ZMYM2: variants seen among roughly 807,000 people sequenced by gnomAD.
ZMYM2 encodes the protein zinc finger MYM-type protein 2.
Under a neutral mutation model 162.8 loss-of-function variants are expected in ZMYM2, and 56 were observed. That is an observed-to-expected ratio of 0.34 (90% CI 0.28 to 0.43). The LOEUF (loss-of-function observed/expected upper bound fraction) is 0.43. Ranked by LOEUF, ZMYM2 falls within the 20% of genes least tolerant of loss-of-function variation. ZMYM2 has a pLI of 1.00. For synonymous variants in ZMYM2, 510 were observed against 541.6 expected, an observed-to-expected ratio of 0.94 and a Z score of 0.81; for missense variants, 1,275 against 1,621.8, an observed-to-expected ratio of 0.79 and a Z score of 3.67.
the ZMYM2 span, among the ~76,000 whole-genome samples, chr13:19,879,703 C>T: frequency 0.02 from 3,006 of 152,278 alleles, 34 homozygotes; most frequent in Middle Eastern, 0.075. Flanking sequence ...TTTTGAGAGA[C>T]ATTGCATAAA....
chr13:19,892,494 CT>C, the ZMYM2 span, among the ~76,000 whole-genome samples: 2 of 151,254 alleles, frequency 1.3e-5, no homozygotes, highest in South Asian at 2.1e-4. Context: ...ATAGGATGGT[CT>C]CCATCTCCTG....
chr13:20,086,131 T>A lies in ZMYM2; in HGVS notation c.*117T>A. On this transcript the variant is annotated 3_prime_UTR_variant, in exon 25 of 25. Transcript: ENST00000610343. ...TTCTGTTTTGAGTTTTGTAGCAGTG[T>A]ACCCACGCTGGGTATTACCATGTAA... 1.0e-6 allele frequency: 1 copy of A among 997,756 alleles called. No individual in the cohort carries two copies. The highest frequency in any genetic ancestry group is 1.4e-6 in the Non-Finnish European group (1 of 696,014). The allele number at this position is 997,756 out of a possible 1,614,324, so 61.8% of individuals were successfully genotyped here. A position where few individuals can be genotyped will look rare whatever the true frequency, so the allele number is the denominator to read the frequency against.
chr13:20,049,835 G>A (rs1400079428), intron 12 of ZMYM2, among the ~76,000 whole-genome samples: 1 of 151,912 alleles, frequency 6.6e-6, no homozygotes, highest in East Asian at 1.9e-4. Context: ...TCTACTTTTG[G>A]TTCCTGCATT....
intron 2 of ZMYM2, among the ~76,000 whole-genome samples, chr13:19,969,092 C>G (rs1234808894): frequency 6.6e-6 from 1 of 152,154 alleles, no homozygotes; most frequent in Non-Finnish European, 1.5e-5. Flanking sequence ...ATTCCATTCC[C>G]CTTGAGACCC....
upstream of ZMYM2, among the ~76,000 whole-genome samples, chr13:19,957,747 G>A (rs530948731): frequency 6.6e-6 from 1 of 152,368 alleles, no homozygotes; most frequent in African/African-American, 2.4e-5. Flanking sequence ...AGCACAGGAC[G>A]GCGGCGCCCA....
At chr13:20,074,600 G>A (rs1392872702) in intron 21 of ZMYM2, among the ~76,000 whole-genome samples, 19 of 146,720 alleles carry the variant, frequency 1.3e-4, no homozygotes, top group African/African-American at 2.8e-4. Context: ...GTGCAGTGGC[G>A]CGATCTCAGC....
At chr13:19,978,188 T>C (rs958411317) in intron 2 of ZMYM2, among the ~76,000 whole-genome samples, 8 of 152,098 alleles carry the variant, frequency 5.3e-5, no homozygotes, top group Non-Finnish European at 8.8e-5. Context: ...AAAAGTATTT[T>C]TTAAATGGTT....
At chr13:19,946,637 G>A in the ZMYM2 span, among the ~76,000 whole-genome samples, 2 of 152,118 alleles carry the variant, frequency 1.3e-5, no homozygotes, top group South Asian at 2.1e-4. Flanking sequence ...TCCCATGAGG[G>A]TAGGAACTAC....
the ZMYM2 span, among the ~76,000 whole-genome samples, chr13:19,941,626 T>C: frequency 6.6e-6 from 1 of 151,814 alleles, no homozygotes; most frequent in Non-Finnish European, 1.5e-5. Context: ...CAATTCAAAA[T>C]TAATCAGATG....
At chr13:19,897,072 C>CAAA in the ZMYM2 span, among the ~76,000 whole-genome samples, 17,416 of 110,948 alleles carry the variant, frequency 0.16, 1,311 homozygotes, top group African/African-American at 0.26. Context: ...GACTCTGCCT[C>CAAA]AAAAAAAAAA....
intron 12 of ZMYM2, among the ~76,000 whole-genome samples, chr13:20,038,807 T>C (rs1266971442): frequency 6.6e-6 from 1 of 151,334 alleles, no homozygotes; most frequent in Non-Finnish European, 1.5e-5. Flanking sequence ...TTTTTTTTTG[T>C]TCTGTGAAGA....
intron 2 of ZMYM2, among the ~76,000 whole-genome samples, chr13:19,982,407 C>T (rs893222428): frequency 2.7e-5 from 4 of 150,120 alleles, no homozygotes; most frequent in Non-Finnish European, 4.4e-5. Flanking sequence ...TATGCCTCAG[C>T]CTCCTGAGTA....
chr13:19,926,307 A>G, the ZMYM2 span, among the ~76,000 whole-genome samples: 1 of 151,332 alleles, frequency 6.6e-6, no homozygotes, highest in South Asian at 2.1e-4. Flanking sequence ...GCTTCAAACA[A>G]TAAAGGATGT....
chr13:20,078,781 G>T (rs1446989245), intron 21 of ZMYM2, among the ~76,000 whole-genome samples: 1 of 151,964 alleles, frequency 6.6e-6, no homozygotes, highest in Non-Finnish European at 1.5e-5. Context: ...ATTATATGTT[G>T]GGATTACATG....
At chr13:19,901,967 T>G in the ZMYM2 span, among the ~76,000 whole-genome samples, 1 of 152,014 alleles carries the variant, frequency 6.6e-6, no homozygotes, top group African/African-American at 2.4e-5. Flanking sequence ...ACTTTAAAAT[T>G]TTTTAGATAG....
At chr13:20,082,677 A>G (rs2141047222) in intron 22 of ZMYM2, 104 bp from the exon 23 acceptor site, 1 of 986,084 alleles carries the variant, frequency 1.0e-6, no homozygotes, top group Non-Finnish European at 1.4e-6. Context: ...ATGAAAGGAG[A>G]ATTGGTATAG....
At position 20,082,579 on chromosome 13, in the gene ZMYM2, C is replaced by T. The variant is rs74464320; in HGVS notation, c.3569-202C>T. ...AAGAACAGAAGCAAACATCCAGTCC[C>T]TTATTCCATAGATAATAGTTCCATA... On this transcript the variant is annotated intron_variant, in intron 22 of 24. Transcript: ENST00000610343. Among the ~76,000 whole-genome samples, 17 of 152,274 alleles carry T rather than the reference C, an allele frequency of 1.1e-4. No individual in the cohort carries two copies. In the East Asian group the frequency reaches 3.3e-3, roughly 29 times the overall value.
chr13:19,867,525 A>T, the ZMYM2 span, among the ~76,000 whole-genome samples: 1 of 152,338 alleles, frequency 6.6e-6, no homozygotes, highest in South Asian at 2.1e-4. Flanking sequence ...TAAGCAATAA[A>T]TAATGAAAAT....
the ZMYM2 span, among the ~76,000 whole-genome samples, chr13:19,915,659 A>G: frequency 2.0e-5 from 3 of 151,586 alleles, no homozygotes; most frequent in South Asian, 6.3e-4. Flanking sequence ...GCCCACCACC[A>G]CGCCCAGCTA....
Sources: gnomAD v4.1 joint callset for allele counts (sites outside exome capture counted in the v4.1 genomes callset) on GRCh38, gnomAD v4.1.1 for gene constraint, MANE v1.5 for transcripts, NCBI Gene and HGNC (gene_info 2026-07-23, HGNC 2026-07-21) for gene names.